CALM2: variants seen among roughly 807,000 people sequenced by gnomAD.
The protein encoded by CALM2 is calmodulin 2.
A neutral mutation model predicts 19.8 loss-of-function variants in CALM2; 2 were observed. That is an observed-to-expected ratio of 0.10 (90% confidence interval 0.04 to 0.32). The LOEUF (loss-of-function observed/expected upper bound fraction) is 0.32. Among genes scored for constraint, CALM2 ranks in the 10% least tolerant of loss-of-function variants. The pLI is 1.00. For synonymous variants in CALM2, 51 were observed against 52.1 expected (o/e 0.98, Z 0.09); for missense variants, 38 against 178.7 (o/e 0.21, Z 4.49).
At chr2:47,173,442 G>A (rs1288613019) in intron 1 of CALM2, 1 of 152,128 alleles carries the variant, frequency 6.6e-6, no homozygotes, top group Non-Finnish European at 1.5e-5. Flanking sequence ...AAAGTTCCTA[G>A]GCATTAGTAT....
chr2:47,172,157 G>C (rs544273114), intron 1 of CALM2: 62 of 201,040 alleles, frequency 3.1e-4, no homozygotes, highest in Admixed American at 3.3e-4. Context: ...CAAGGAATAA[G>C]GTTTAAAATC....
chr2:47,174,264 A>AT (rs1379034665), intron 1 of CALM2: 1 of 151,682 alleles, frequency 6.6e-6, no homozygotes, highest in Non-Finnish European at 1.5e-5. Flanking sequence ...AATTTTTTTT[A>AT]TTTTTTGAGA....
chr2:47,173,182 G>C (rs887885129), intron 1 of CALM2: 3 of 152,098 alleles, frequency 2.0e-5, no homozygotes, highest in Admixed American at 1.3e-4. Context: ...TATAAATCAA[G>C]AAGACTTCCT....
intron 2 of CALM2, among the ~76,000 whole-genome samples, chr2:47,168,089 A>C (rs1666547659): frequency 6.6e-6 from 1 of 152,160 alleles, no homozygotes; most frequent in Admixed American, 6.5e-5. Context: ...CATTGAGAAT[A>C]AAATTTATTC....
At chr2:47,167,945 A>G (rs139026450) in intron 2 of CALM2, among the ~76,000 whole-genome samples, 13 of 151,366 alleles carry the variant, frequency 8.6e-5, no homozygotes, top group Non-Finnish European at 1.6e-4. Context: ...AACAATTACA[A>G]TTTACCAGAT....
chr2:47,168,134 C>A (rs1221490289), intron 2 of CALM2, among the ~76,000 whole-genome samples: 1 of 151,880 alleles, frequency 6.6e-6, no homozygotes, highest in East Asian at 1.9e-4. Context: ...TGGCAGGTAC[C>A]GGGCCTACAA....
chr2:47,172,243 AC>A (rs1252607934), intron 1 of CALM2: 1 of 317,428 alleles, frequency 3.2e-6, no homozygotes, highest in African/African-American at 2.2e-5. Context: ...CAGGACTTCC[AC>A]CATTTCTGAA....
intron 5 of CALM2, 46 bp from the exon 6 acceptor site, chr2:47,160,850 C>CAAAAAAAAAAAAAAA (rs55773607): frequency 8.1e-6 from 3 of 372,020 alleles, no homozygotes; most frequent in Non-Finnish European, 1.3e-5. Flanking sequence ...AGCAAAAGAC[C>CAAAAAAAAAAAAAAA]AAAAAAAAAA....
At chr2:47,166,064 C>T (rs1666458871) in intron 2 of CALM2, among the ~76,000 whole-genome samples, 1 of 152,074 alleles carries the variant, frequency 6.6e-6, no homozygotes, top group Non-Finnish European at 1.5e-5. Context: ...AGGTTCATAC[C>T]ACACTAATTG....
chr2:47,176,641 C>G, upstream of CALM2: 4 of 1,484,912 alleles, frequency 2.7e-6, no homozygotes, highest in Non-Finnish European at 3.6e-6. Flanking sequence ...TCTCGGGACC[C>G]CTTTCTTCAC....
intron 4 of CALM2, 21 bp from the exon 5 acceptor site, chr2:47,161,879 G>C (rs756159706): frequency 2.5e-6 from 4 of 1,591,000 alleles, no homozygotes; most frequent in East Asian, 2.3e-5. Context: ...ATTTAGTATA[G>C]TTTCTGAGTC....
intron 1 of CALM2, among the ~76,000 whole-genome samples, chr2:47,175,074 A>G (rs1429349844): frequency 2.9e-5 from 1 of 34,722 alleles, no homozygotes; most frequent in East Asian, 8.6e-4. Flanking sequence ...CACCGCCCTC[A>G]TTAGGTGTTT....
At chr2:47,167,569 C>CT in intron 2 of CALM2, 1 of 169,018 alleles carries the variant, frequency 5.9e-6, no homozygotes, top group Non-Finnish European at 1.3e-5. Context: ...TGGTGCACGC[C>CT]TGTAATCCCA....
At chr2:47,163,164 A>C (rs1439392564) in intron 2 of CALM2, 1 of 154,388 alleles carries the variant, frequency 6.5e-6, no homozygotes, top group African/African-American at 2.4e-5. Flanking sequence ...GTTTCTGTAT[A>C]CTGTGTTTAG....
chr2:47,167,194 A>G (rs1037979404), intron 2 of CALM2, among the ~76,000 whole-genome samples: 1 of 152,282 alleles, frequency 6.6e-6, no homozygotes, highest in Non-Finnish European at 1.5e-5. Context: ...AGTAATATTA[A>G]TATTTTTCTC....
chr2:47,174,595 C>A (rs1251064529), intron 1 of CALM2, among the ~76,000 whole-genome samples: 2 of 151,684 alleles, frequency 1.3e-5, no homozygotes, highest in African/African-American at 4.9e-5. Context: ...AACAGAAAAC[C>A]CCCAAAGCAC....
intron 2 of CALM2, 190 bp from the exon 3 acceptor site, chr2:47,162,852 C>T (rs868740056): frequency 4.0e-6 from 2 of 500,340 alleles, no homozygotes; most frequent in Non-Finnish European, 3.6e-6. Flanking sequence ...CGGAAAAATA[C>T]CAATGGAGGT....
intron 2 of CALM2, among the ~76,000 whole-genome samples, chr2:47,167,955 T>C (rs1666542319): frequency 1.3e-5 from 2 of 151,348 alleles, no homozygotes; most frequent in Admixed American, 1.3e-4. Flanking sequence ...ATTTACCAGA[T>C]TAAAAAATTG....
chr2:47,176,516 C>T (rs751626286), upstream of CALM2: 4 of 1,598,540 alleles, frequency 2.5e-6, no homozygotes, highest in South Asian at 3.4e-5. Flanking sequence ...CGGACTAATT[C>T]GCCTCCTCCG....
Sources: gnomAD v4.1 joint callset for allele counts (sites outside exome capture counted in the v4.1 genomes callset) on GRCh38, gnomAD v4.1.1 for gene constraint, MANE v1.5 for transcripts, NCBI Gene and HGNC (gene_info 2026-07-23, HGNC 2026-07-21) for gene names.